Variants in PCGF3 observed in about 807,000 individuals in gnomAD.
The protein encoded by PCGF3 is polycomb group RING finger protein 3.
PCGF3 carries 7 observed loss-of-function variants against 33.1 expected under a neutral mutation model. The ratio of observed to expected loss-of-function variants is 0.21; its 90% CI spans 0.12 to 0.40. The LOEUF (loss-of-function observed/expected upper bound fraction) is 0.40. Among genes scored for constraint, PCGF3 ranks in the 10% least tolerant of loss-of-function variants. The pLI, the probability that PCGF3 is intolerant of heterozygous loss-of-function variation, is 1.00. For synonymous variants in PCGF3, 153 were observed against 121.3 expected (o/e 1.26, Z -1.72); for missense variants, 211 against 313.3 (o/e 0.67, Z 2.46).
At chr4:723,180 A>G (rs926800640) in intron 1 of PCGF3, among the ~76,000 whole-genome samples, 40 of 152,052 alleles carry the variant, frequency 2.6e-4, no homozygotes, top group African/African-American at 9.2e-4. Flanking sequence ...GGTCATCGCC[A>G]TCCGCGCGGG....
chr4:753,719 G>A (rs539604918), intron 8 of PCGF3, among the ~76,000 whole-genome samples: 18 of 151,896 alleles, frequency 1.2e-4, no homozygotes, highest in Admixed American at 4.6e-4. Flanking sequence ...AGGCTGAGGC[G>A]GGCAGATTGC....
intron 1 of PCGF3, among the ~76,000 whole-genome samples, chr4:723,176 C>T (rs1487657530): frequency 1.3e-5 from 2 of 152,198 alleles, no homozygotes; most frequent in Non-Finnish European, 2.9e-5. Context: ...ACTCGGTCAT[C>T]GCCATCCGCG....
At chr4:750,163 G>T (rs138188193) in intron 8 of PCGF3, among the ~76,000 whole-genome samples, 3 of 152,212 alleles carry the variant, frequency 2.0e-5, no homozygotes, top group African/African-American at 4.8e-5. Context: ...GCTCCCTGCG[G>T]ACTTTGATGA....
In PCGF3 at chr4:721,786, G is replaced by GCA. The variant is rs1443505671; in HGVS notation, c.-189-8844_-189-8843insCA. On this transcript the variant is annotated intron_variant, in intron 1 of 10. Coordinates refer to ENST00000362003, the Ensembl canonical transcript of PCGF3. This position sits in a 1 kb window ranked among gnomAD's most constrained non-coding sequence, Gnocchi z 4.1. ...GGAGGTGGATGGGTTGGGTGGCTCT[G>GCA]TGTATGGGCATGGGGAGGGGCCTGT... 3.9e-4 allele frequency among the ~76,000 whole-genome samples: 42 copies of GCA among 108,724 alleles called. No homozygotes were observed. Among genetic ancestry groups the GCA allele is most frequent in the African/African-American group, 1.1e-3 (38 of 35,680 alleles). The allele number at this position is 108,724 out of a possible 152,430, so 71.3% of individuals were successfully genotyped here.
intron 8 of PCGF3, among the ~76,000 whole-genome samples, chr4:753,148 C>T (rs554057941): frequency 7.2e-4 from 110 of 152,330 alleles, no homozygotes; most frequent in African/African-American, 2.4e-3. Flanking sequence ...TGACAAGCCC[C>T]GGAGCAAATG....
At chr4:758,127 C>T (rs890422357) in intron 8 of PCGF3, among the ~76,000 whole-genome samples, 1 of 143,848 alleles carries the variant, frequency 7.0e-6, no homozygotes, top group African/African-American at 2.7e-5. Context: ...GAGATCGTGC[C>T]ACGGCATCCA....
chr4:722,792 C>T (rs867085423), intron 1 of PCGF3, among the ~76,000 whole-genome samples: 4 of 69,288 alleles, frequency 5.8e-5, no homozygotes, highest in East Asian at 4.5e-4. Context: ...CTCGCGTCAT[C>T]GCCATCCACG....
intron 4 of PCGF3, 51 bp downstream of exon 4, chr4:733,840 G>C (rs759001932): frequency 3.7e-6 from 6 of 1,613,212 alleles, no homozygotes; most frequent in South Asian, 3.3e-5. Flanking sequence ...TCCCAGCTCT[G>C]TGCTCTTCAG....
intron 8 of PCGF3, among the ~76,000 whole-genome samples, chr4:758,235 C>T (rs1744862295): frequency 6.6e-6 from 1 of 151,538 alleles, no homozygotes; most frequent in Non-Finnish European, 1.5e-5. Context: ...TGCACAAGCA[C>T]CCCCACCGCG....
intron 1 of PCGF3, among the ~76,000 whole-genome samples, chr4:725,418 C>T (rs1033140205): frequency 3.9e-5 from 6 of 152,182 alleles, no homozygotes; most frequent in African/African-American, 9.7e-5. Context: ...GGAGGGGCAG[C>T]GGCCCTGAGG....
At chr4:747,825 A>T (rs1046922640) in intron 8 of PCGF3, among the ~76,000 whole-genome samples, 4 of 152,080 alleles carry the variant, frequency 2.6e-5, no homozygotes, top group Admixed American at 2.6e-4. Flanking sequence ...GAAGGGAAGC[A>T]GTGACAGCCA....
At position 752,719 on chromosome 4, in the gene PCGF3, T is replaced by C. The variant is rs112937495; in HGVS notation, c.462+8031T>C. On this transcript the variant is annotated intron_variant, in intron 8 of 10. Coordinates refer to ENST00000362003, the Ensembl canonical transcript of PCGF3. ...CCCCTGTGTGTGCAGCCTCCTCCGG[T>C]TCCAGGCCCCCGGGGTCTTCCCACC... Among the ~76,000 whole-genome samples, 942 of 152,284 alleles carry C rather than the reference T, an allele frequency of 6.2e-3. 15 individuals carry two copies. The highest frequency in any genetic ancestry group is 0.022 in the African/African-American group (904 of 41,552).
At chr4:760,513 C>T (rs944344470) in intron 8 of PCGF3, among the ~76,000 whole-genome samples, 1 of 152,174 alleles carries the variant, frequency 6.6e-6, no homozygotes, top group Admixed American at 6.5e-5. Flanking sequence ...CGTCTGTACC[C>T]CTGGTGTCCT....
Position 737,582 on chromosome 4 carries a change from TC to T in PCGF3, c.262+62del, listed in dbSNP as rs1743890088. 5.6e-6 allele frequency: 6 copies of T among 1,076,904 alleles called. No individual in the cohort carries two copies. In the African/African-American group the frequency reaches 7.8e-5, roughly 14 times the overall value. The allele number at this position is 1,076,904 out of a possible 1,614,324, so 66.7% of individuals were successfully genotyped here. A position where few individuals can be genotyped will look rare whatever the true frequency, so the allele number is the denominator to read the frequency against. On this transcript the variant is annotated intron_variant, in intron 6 of 10. Coordinates refer to ENST00000362003, the Ensembl canonical transcript of PCGF3. The stretch of plus-strand genomic sequence containing the variant: ...CCAGCCTGGCCTCTGCAGCCCCTGC[TC>T]TCCTGGAAGTTTGGTTCTCGGATGG...
intron 8 of PCGF3, among the ~76,000 whole-genome samples, chr4:760,295 T>C (rs951048348): frequency 9.2e-5 from 14 of 152,214 alleles, no homozygotes; most frequent in Admixed American, 2.6e-4. Context: ...TCCCGTCTTC[T>C]CCCCTTTCTC....
intron 1 of PCGF3, among the ~76,000 whole-genome samples, chr4:727,758 C>G (rs1743390709): frequency 6.6e-6 from 1 of 152,144 alleles, no homozygotes; most frequent in African/African-American, 2.4e-5. Flanking sequence ...TAACCGTTTT[C>G]TTTGGATTTT....
In PCGF3 at chr4:720,770, A is replaced by T. The variant is rs1162939566; in HGVS notation, c.-189-9860A>T. On this transcript the variant is annotated intron_variant, in intron 1 of 10. Coordinates refer to ENST00000362003, the Ensembl canonical transcript of PCGF3. The surrounding 1 kb of genome is among the most constrained non-coding windows in gnomAD (Gnocchi z 5.6). The stretch of plus-strand genomic sequence containing the variant: ...GTGGACGCAGCCCCGACGTGAATGG[A>T]TGTGGTTCCGACGTGACTGCGCTGG... Among the ~76,000 whole-genome samples, 2 of 151,846 alleles carry T rather than the reference A, an allele frequency of 1.3e-5. No homozygotes were observed. The highest frequency in any genetic ancestry group is 2.9e-5 in the Non-Finnish European group (2 of 67,966).
exon 11 of PCGF3, chr4:770,028 T>A (rs1745558309): frequency 6.6e-6 from 1 of 152,668 alleles, no homozygotes; most frequent in Non-Finnish European, 1.5e-5. Context: ...TAGTGAAGCT[T>A]GTATTCAGTG....
chr4:756,796 C>A (rs1441598879), intron 8 of PCGF3, among the ~76,000 whole-genome samples: 1 of 152,186 alleles, frequency 6.6e-6, no homozygotes, highest in East Asian at 1.9e-4. Flanking sequence ...CCACCCCGCT[C>A]CCCCAGCAGG....
Sources: allele counts gnomAD v4.1 joint callset (sites outside exome capture counted in the v4.1 genomes callset), GRCh38; gene constraint gnomAD v4.1.1; non-coding constraint Gnocchi (gnomAD v3.1); transcripts MANE v1.5; gene names NCBI Gene and HGNC (gene_info 2026-07-23, HGNC 2026-07-21).